Variants in NAPEPLD observed in about 807,000 individuals in gnomAD.
NAPEPLD encodes the protein N-acyl phosphatidylethanolamine phospholipase D.
Under a neutral mutation model 38.1 loss-of-function variants are expected in NAPEPLD, and 23 were observed. The ratio of observed to expected loss-of-function variants is 0.60; its 90% CI spans 0.43 to 0.86. The LOEUF is 0.86. Among genes scored for constraint, NAPEPLD ranks in the 40% least tolerant of loss-of-function variants. The pLI is 0.00. For missense variants in NAPEPLD, 411 were observed against 476.8 expected, an observed-to-expected ratio of 0.86 and a Z score of 1.28; for synonymous variants, 147 against 162.0, an observed-to-expected ratio of 0.91 and a Z score of 0.71.
rs181177888 is a variant in NAPEPLD, at chr7:103,132,027, T to C, written c.-16-3235A>G. Among the ~76,000 whole-genome samples, 16 of 152,224 alleles carry C rather than the reference T, an allele frequency of 1.1e-4. 1 individual carries two copies. Among genetic ancestry groups the C allele is most frequent in the East Asian group, 5.8e-4 (3 of 5,168 alleles). ...AACTTGGGAGCCTGAGGCAGGAGAA[T>C]TGCTTGAACCCAGGAGGCGGAGGTT... On this transcript the variant is annotated intron_variant, in intron 1 of 4. Transcript: ENST00000465647.
intron 2 of NAPEPLD, 54 bp downstream of exon 2, chr7:103,128,429 A>G: frequency 6.3e-7 from 1 of 1,579,852 alleles, no homozygotes; most frequent in Non-Finnish European, 8.7e-7. Context: ...TCAAATAACT[A>G]GAGTGTCATA....
In NAPEPLD at chr7:103,128,545, G is replaced by C; in HGVS notation, c.232C>G (p.Pro78Ala). The change falls in exon 2 of 5, where the codon CCA becomes GCA. Residue 78 changes from proline to alanine, a missense_variant. Transcript: ENST00000465647. ...PWPTWKNPSIPNVLRWLIMEK... is the reference protein window; with the variant it reads ...PWPTWKNPSIANVLRWLIMEK... ...ATTATCAGCCATCTGAGAACATTTG[G>C]AATAGAGGGGTTTTTCCATGTTGGC... The C allele has an allele frequency of 3.7e-6, 6 of 1,614,218 alleles. No homozygotes were observed. The South Asian group carries it at 5.5e-5, about 15-fold the overall frequency.
intron 4 of NAPEPLD, among the ~76,000 whole-genome samples, chr7:103,107,024 G>A (rs775731275): frequency 6.6e-6 from 1 of 152,186 alleles, no homozygotes; most frequent in Non-Finnish European, 1.5e-5. Flanking sequence ...TCTGACGGGT[G>A]CCCTTCTGGG....
At chr7:103,138,753 A>G (rs1364653859) in intron 1 of NAPEPLD, among the ~76,000 whole-genome samples, 1 of 152,168 alleles carries the variant, frequency 6.6e-6, no homozygotes, top group African/African-American at 2.4e-5. Flanking sequence ...TACAGGCGTG[A>G]GCCACCACAC....
intron 4 of NAPEPLD, among the ~76,000 whole-genome samples, chr7:103,113,617 A>G (rs1384599182): frequency 7.2e-6 from 1 of 138,860 alleles, no homozygotes; most frequent in Admixed American, 8.3e-5. Flanking sequence ...TTTTTAAGAC[A>G]GAGTCTCACT....
chr7:103,132,957 C>CTCATTACCAAATAGCCA (rs1809265826), intron 1 of NAPEPLD, among the ~76,000 whole-genome samples: 1 of 152,208 alleles, frequency 6.6e-6, no homozygotes, highest in Admixed American at 6.5e-5. Flanking sequence ...GGAAACAGGT[C>CTCATTACCAAATAGCCA]TCATTACCAA....
At chr7:103,130,995 A>T (rs1175385713) in intron 1 of NAPEPLD, among the ~76,000 whole-genome samples, 1 of 152,206 alleles carries the variant, frequency 6.6e-6, no homozygotes, top group African/African-American at 2.4e-5. Context: ...GAGCAGAAAC[A>T]ATGACCATCC....
Position 103,102,130 on chromosome 7 carries a change from A to G in NAPEPLD, c.*1299T>C, listed in dbSNP as rs1802495269. On this transcript the variant is annotated 3_prime_UTR_variant, in exon 5 of 5. Coordinates refer to ENST00000465647, the MANE Select transcript of NAPEPLD (RefSeq NM_001122838.3). ...AATTATAAATCTGATTGATATATTT[A>G]GAGCTAAGAGACTCCAGGAAAAAAA... 1 of 151,826 alleles carries G rather than the reference A, an allele frequency of 6.6e-6. No homozygotes were observed. Among genetic ancestry groups the G allele is most frequent in the Non-Finnish European group, 1.5e-5 (1 of 68,006 alleles). The allele number at this position is 151,826 out of a possible 1,614,324, so 9.4% of individuals were successfully genotyped here. A position where few individuals can be genotyped will look rare whatever the true frequency, so the allele number is the denominator to read the frequency against.
At chr7:103,110,392 A>C (rs542138073) in intron 4 of NAPEPLD, among the ~76,000 whole-genome samples, 1 of 152,358 alleles carries the variant, frequency 6.6e-6, no homozygotes, top group South Asian at 2.1e-4. Flanking sequence ...CACCATGATC[A>C]AGTCAGCTTC....
Position 103,128,681 on chromosome 7 carries a change from T to A in NAPEPLD, c.96A>T (p.Gly32=), listed in dbSNP as rs779808607. 9 of 1,614,086 alleles carry A rather than the reference T, an allele frequency of 5.6e-6. No individual in the cohort carries two copies. In the African/African-American group the frequency reaches 1.1e-4, roughly 19 times the overall value. ...RKRQNSARNS[G]ASDSSRFSRK... The stretch of plus-strand genomic sequence containing the variant: ...TAGAAAACCTAGAAGAATCACTTGC[T>A]CCGGAATTCCGTGCTGAATTTTGAC... Residue 32 remains glycine, a synonymous_variant, in exon 2 of 5, where the codon GGA becomes GGT. Coordinates refer to ENST00000465647, the MANE Select transcript of NAPEPLD (RefSeq NM_001122838.3).
intron 2 of NAPEPLD, among the ~76,000 whole-genome samples, chr7:103,124,602 T>C (rs556059384): frequency 6.6e-6 from 1 of 152,322 alleles, no homozygotes; most frequent in East Asian, 1.9e-4. Flanking sequence ...TCTTCCTTTT[T>C]GAAAGCTGCA....
chr7:103,114,071 A>AT (rs1262705518), intron 4 of NAPEPLD, among the ~76,000 whole-genome samples: 1 of 150,326 alleles, frequency 6.7e-6, no homozygotes, highest in Non-Finnish European at 1.5e-5. Context: ...GCTATTTTGT[A>AT]TTTTTAGTAG....
intron 4 of NAPEPLD, among the ~76,000 whole-genome samples, chr7:103,108,189 T>C (rs1365960178): frequency 1.3e-5 from 2 of 148,250 alleles, no homozygotes; most frequent in Admixed American, 6.8e-5. Flanking sequence ...GTCACCCAGG[T>C]TGGAGTGCAG....
At chr7:103,108,207 G>A (rs2411078) in intron 4 of NAPEPLD, among the ~76,000 whole-genome samples, 131,949 of 149,532 alleles carry the variant, frequency 0.88, 60,564 homozygotes, top group East Asian at 1. Flanking sequence ...CAGTGGTGCA[G>A]TCTCAGCTCA....
chr7:103,135,921 C>T (rs971612132), intron 1 of NAPEPLD, among the ~76,000 whole-genome samples: 1 of 152,086 alleles, frequency 6.6e-6, no homozygotes, highest in African/African-American at 2.4e-5. Flanking sequence ...ATTGTAACTC[C>T]TAAACGTTGT....
At chr7:103,144,121 G>C (rs777700456) in intron 1 of NAPEPLD, among the ~76,000 whole-genome samples, 1 of 152,202 alleles carries the variant, frequency 6.6e-6, no homozygotes, top group Non-Finnish European at 1.5e-5. Context: ...GTTGGATCTA[G>C]GGATGAAACC....
At chr7:103,132,991 C>G (rs564929842) in intron 1 of NAPEPLD, among the ~76,000 whole-genome samples, 1 of 152,226 alleles carries the variant, frequency 6.6e-6, no homozygotes, top group East Asian at 1.9e-4. Context: ...CCTAACAAAC[C>G]CCCTCCCCTA....
intron 4 of NAPEPLD, among the ~76,000 whole-genome samples, chr7:103,114,473 C>G (rs946769612): frequency 2.0e-5 from 3 of 152,200 alleles, no homozygotes; most frequent in African/African-American, 7.2e-5. Context: ...GCCCTCCACT[C>G]TCCTGCTGAA....
intron 2 of NAPEPLD, among the ~76,000 whole-genome samples, chr7:103,120,428 A>C (rs1806418366): frequency 1.3e-5 from 2 of 152,152 alleles, no homozygotes; most frequent in Non-Finnish European, 2.9e-5. Context: ...ATAATATGGT[A>C]ATCTTCTTCC....
Sources: allele counts gnomAD v4.1 joint callset (sites outside exome capture counted in the v4.1 genomes callset), GRCh38; gene constraint gnomAD v4.1.1; transcripts MANE v1.5; gene names NCBI Gene and HGNC (gene_info 2026-07-23, HGNC 2026-07-21).